The following CACNA1A variants were observed in gnomAD, a reference collection of about 807,000 sequenced individuals.
The protein encoded by CACNA1A is calcium voltage-gated channel subunit alpha1 A.
In CACNA1A, 57 loss-of-function variants were observed where a neutral mutation model predicts 262.4. That is an observed-to-expected ratio of 0.22 (90% CI 0.18 to 0.27). The LOEUF is 0.27. Among genes scored for constraint, CACNA1A ranks in the 10% least tolerant of loss-of-function variants. The pLI is 1.00. For missense variants in CACNA1A, 2,526 were observed against 3,562.8 expected (o/e 0.71, Z 7.41); for synonymous variants, 1,431 against 1,419.3 (o/e 1.01, Z -0.18).
At chr19:13,486,563 G>A (rs979162244) in intron 1 of CACNA1A, among the ~76,000 whole-genome samples, 2 of 152,112 alleles carry the variant, frequency 1.3e-5, no homozygotes, top group African/African-American at 2.4e-5. Flanking sequence ...AAGAGATGAC[G>A]AGTTGGCAAG....
At chr19:13,271,220 T>C (rs2057010779) in intron 24 of CACNA1A, 1 of 92,290 alleles carries the variant, frequency 1.1e-5, no homozygotes, top group African/African-American at 4.4e-5. Context: ...TGCTGTTTTT[T>C]TTTTTTTTTT....
At chr19:13,488,690 G>A (rs879312632) in intron 1 of CACNA1A, among the ~76,000 whole-genome samples, 2 of 151,890 alleles carry the variant, frequency 1.3e-5, no homozygotes, top group African/African-American at 2.4e-5. Context: ...GTGAGCCACC[G>A]TGCCCAGCCT....
At position 13,285,120 on chromosome 19, in the gene CACNA1A, G is replaced by A; in HGVS notation, c.3640C>T (p.Pro1214Ser). Residue 1214 changes from proline (P) to serine (S), a missense_variant, in exon 21 of 47, where the codon CCT becomes TCT. Transcript: ENST00000360228. ...EEEDDRGEDG[P>S]KPMPPYSSMF... ...GAGCTATAGGGAGGCATTGGCTTAG[G>A]GCCGTCTTCCCCACGGTCGTCTTCC... 6.2e-7 allele frequency: 1 copy of A among 1,613,904 alleles called. No individual in the cohort carries two copies. Among genetic ancestry groups the A allele is most frequent in the South Asian group, 1.1e-5 (1 of 91,076 alleles).
In CACNA1A at chr19:13,228,737, C is replaced by T. The variant is rs1001063428; in HGVS notation, c.5529-1210G>A. On this transcript the variant is annotated intron_variant, in intron 36 of 46. Coordinates refer to ENST00000360228, the MANE Select transcript of CACNA1A (RefSeq NM_001127222.2). ...CTATGAGGACATTTCTTGCCTAAGCCGAGAGGGGGAGATATTACTCGTAAT... is the reference window on the plus strand; with the variant it reads ...CTATGAGGACATTTCTTGCCTAAGCTGAGAGGGGGAGATATTACTCGTAAT... 7 of 1,601,340 alleles carry T rather than the reference C, an allele frequency of 4.4e-6. No individual in the cohort carries two copies. Among genetic ancestry groups the T allele is most frequent in the South Asian group, 1.1e-5 (1 of 88,958 alleles).
At chr19:13,490,412 G>T (rs1980615676) in intron 1 of CACNA1A, among the ~76,000 whole-genome samples, 1 of 152,086 alleles carries the variant, frequency 6.6e-6, no homozygotes, top group Non-Finnish European at 1.5e-5. Flanking sequence ...AGACCAGCTT[G>T]GCCAACATGG....
chr19:13,448,882 A>C (rs2060864139), intron 3 of CACNA1A, among the ~76,000 whole-genome samples: 1 of 152,206 alleles, frequency 6.6e-6, no homozygotes, highest in East Asian at 1.9e-4. Flanking sequence ...TGTTGAACAC[A>C]AAAGTCAGGT....
At chr19:13,414,302 G>A (rs948949387) in intron 3 of CACNA1A, among the ~76,000 whole-genome samples, 3 of 152,178 alleles carry the variant, frequency 2.0e-5, no homozygotes, top group African/African-American at 7.2e-5. Flanking sequence ...GAAGGCTGAG[G>A]CAGGAGGATT....
intron 1 of CACNA1A, among the ~76,000 whole-genome samples, chr19:13,475,318 T>G (rs1286554027): frequency 6.6e-6 from 1 of 152,188 alleles, no homozygotes; most frequent in African/African-American, 2.4e-5. Context: ...TGCTATGAAG[T>G]GGGATGGGGA....
rs754373251 is a variant in CACNA1A, at chr19:13,259,717, G to A, written c.4251-16C>T. ...GTATTTGCCTCTGCCACAGAGAGTG[G>A]GGACTGTTAGTAAATGGGAAAGAGG... On this transcript the variant is annotated splice_polypyrimidine_tract_variant and intron_variant, in intron 26 of 46. Transcript: ENST00000360228. 24 of 1,609,874 alleles carry A rather than the reference G, an allele frequency of 1.5e-5. No individual in the cohort carries two copies.
chr19:13,347,564 C>T (rs750700676), intron 6 of CACNA1A, among the ~76,000 whole-genome samples: 8 of 152,190 alleles, frequency 5.3e-5, no homozygotes, highest in Non-Finnish European at 1.2e-4. Flanking sequence ...CATTCACTTA[C>T]GCGCTTTATC....
At chr19:13,403,698 G>A (rs1372924622) in intron 3 of CACNA1A, among the ~76,000 whole-genome samples, 1 of 152,154 alleles carries the variant, frequency 6.6e-6, no homozygotes, top group South Asian at 2.1e-4. Context: ...CATGTTGGAA[G>A]GCCGAGGTGG....
rs541622032 is a variant in CACNA1A at position 13,338,183 on chromosome 19, C to A, written c.979-2274G>T. Reference sequence around the variant, plus strand: ...TGAGCGGAGATCACACCACTGCACTCCAGCCTGGGCAACAGAGCGAGACTT... The same window carrying A: ...TGAGCGGAGATCACACCACTGCACTACAGCCTGGGCAACAGAGCGAGACTT... On this transcript the variant is annotated intron_variant, in intron 6 of 46. Transcript: ENST00000360228. 1.4e-4 allele frequency among the ~76,000 whole-genome samples: 22 copies of A among 152,222 alleles called. 1 individual carries two copies. In the South Asian group the frequency reaches 4.6e-3, roughly 32 times the overall value.
chr19:13,406,974 C>T (rs2060024064), intron 3 of CACNA1A, among the ~76,000 whole-genome samples: 1 of 151,918 alleles, frequency 6.6e-6, no homozygotes, highest in East Asian at 1.9e-4. Flanking sequence ...CACATGTATG[C>T]ATGTGTACAC....
chr19:13,249,449 G>A (rs1298076661), intron 30 of CACNA1A, among the ~76,000 whole-genome samples: 1 of 152,022 alleles, frequency 6.6e-6, no homozygotes, highest in Non-Finnish European at 1.5e-5. Flanking sequence ...CTGACATCCT[G>A]GGCTGAATCC....
At chr19:13,474,812 G>A (rs1434895724) in intron 1 of CACNA1A, among the ~76,000 whole-genome samples, 5 of 135,130 alleles carry the variant, frequency 3.7e-5, no homozygotes, top group African/African-American at 6.2e-5. Context: ...GGGAGACTCC[G>A]TCTCAAAAAA....
chr19:13,320,236 T>TTGAGAGAG lies in CACNA1A; in HGVS notation c.1346-2916_1346-2915insCTCTCTCA, dbSNP rs1491579757. On this transcript the variant is annotated intron_variant, in intron 10 of 46. Transcript: ENST00000360228. The stretch of plus-strand genomic sequence containing the variant: ...GGGGACAGGGGGGATGTTCCACAGA[T>TTGAGAGAG]CGAGAGAGAGAGAGAGAGAGAGAGA... Among the ~76,000 whole-genome samples the TTGAGAGAG allele has an allele frequency of 3.0e-3, 218 of 73,540 alleles. 1 individual carries two copies. Among genetic ancestry groups the TTGAGAGAG allele is most frequent in the African/African-American group, 9.9e-3 (195 of 19,664 alleles). The allele number at this position is 73,540 out of a possible 152,430, so 48.2% of individuals were successfully genotyped here.
chr19:13,398,453 T>C (rs1484118769), intron 3 of CACNA1A, among the ~76,000 whole-genome samples: 1 of 152,166 alleles, frequency 6.6e-6, no homozygotes, highest in African/African-American at 2.4e-5. Context: ...CATGAGACCA[T>C]GGATTTGCCT....
At chr19:13,429,317 C>T (rs986879952) in intron 3 of CACNA1A, among the ~76,000 whole-genome samples, 1 of 151,618 alleles carries the variant, frequency 6.6e-6, no homozygotes, top group Non-Finnish European at 1.5e-5. Context: ...CAGCCACTTG[C>T]GATATTGTGT....
At chr19:13,444,923 AG>A (rs1424738153) in intron 3 of CACNA1A, among the ~76,000 whole-genome samples, 6 of 152,036 alleles carry the variant, frequency 3.9e-5, no homozygotes, top group African/African-American at 1.4e-4. Context: ...GGACCACCTG[AG>A]GGCAGGACTT....
Sources: gnomAD v4.1 joint callset for allele counts (sites outside exome capture counted in the v4.1 genomes callset) on GRCh38, gnomAD v4.1.1 for gene constraint, MANE v1.5 for transcripts, NCBI Gene and HGNC (gene_info 2026-07-23, HGNC 2026-07-21) for gene names.